DLGAP2: variants seen among roughly 807,000 people sequenced by gnomAD.
The protein encoded by DLGAP2 is DLG associated protein 2, also known as disks large-associated protein 2.
In DLGAP2, 26 loss-of-function variants were observed where a neutral mutation model predicts 100.3. The ratio of observed to expected loss-of-function variants is 0.26; its 90% CI spans 0.19 to 0.36. The LOEUF is 0.36. Among genes scored for constraint, DLGAP2 ranks in the 10% least tolerant of loss-of-function variants. DLGAP2 has a pLI of 1.00. For synonymous variants in DLGAP2, 886 were observed against 630.1 expected, an observed-to-expected ratio of 1.41 and a Z score of -6.08; for missense variants, 1,858 against 1,453.2, an observed-to-expected ratio of 1.28 and a Z score of -4.53.
intron 3 of DLGAP2, among the ~76,000 whole-genome samples, chr8:1,432,785 A>T (rs567055320): frequency 6.6e-6 from 1 of 152,224 alleles, no homozygotes; most frequent in South Asian, 2.1e-4. Flanking sequence ...GATTCCCGCG[A>T]TCGCGTGTTT....
intron 4 of DLGAP2, among the ~76,000 whole-genome samples, chr8:1,526,324 C>A (rs545679616): frequency 6.6e-6 from 1 of 151,914 alleles, no homozygotes; most frequent in East Asian, 2.0e-4. Context: ...CTTACCTGCA[C>A]GCCTACCGGC....
intron 1 of DLGAP2, among the ~76,000 whole-genome samples, chr8:760,720 G>A (rs7460845): frequency 0.094 from 14,241 of 152,126 alleles, 720 homozygotes; most frequent in African/African-American, 0.13. Flanking sequence ...TGGGTGTCAG[G>A]CATGTCCCTC....
intron 8 of DLGAP2, among the ~76,000 whole-genome samples, chr8:1,654,587 G>A (rs1798240461): frequency 1.3e-5 from 2 of 151,382 alleles, no homozygotes; most frequent in Admixed American, 1.3e-4. Context: ...CTTGAACCCG[G>A]GAGGCGGAGG....
At chr8:1,054,229 T>G (rs1802808251) in intron 2 of DLGAP2, among the ~76,000 whole-genome samples, 1 of 151,710 alleles carries the variant, frequency 6.6e-6, no homozygotes, top group African/African-American at 2.4e-5. Context: ...CGCACACACA[T>G]GTATGCACAT....
At chr8:1,038,503 G>A (rs1289697914) in intron 2 of DLGAP2, among the ~76,000 whole-genome samples, 1 of 152,158 alleles carries the variant, frequency 6.6e-6, no homozygotes, top group East Asian at 1.9e-4. Context: ...GACATCAAGT[G>A]GCAGGAAGGA....
intron 3 of DLGAP2, chr8:1,301,253 G>C (rs1184235777): frequency 1.3e-5 from 2 of 152,214 alleles, no homozygotes; most frequent in Admixed American, 1.3e-4. Context: ...CCTCCTGCAG[G>C]ACCCTGTCCT....
At chr8:1,123,846 C>G (rs1393372605) in intron 2 of DLGAP2, among the ~76,000 whole-genome samples, 1 of 152,090 alleles carries the variant, frequency 6.6e-6, no homozygotes, top group Admixed American at 6.6e-5. Flanking sequence ...ACCTTTTCCT[C>G]AGTATTCTTT....
intron 3 of DLGAP2, among the ~76,000 whole-genome samples, chr8:1,265,089 A>G (rs373522349): frequency 6.6e-6 from 1 of 152,198 alleles, no homozygotes; most frequent in African/African-American, 2.4e-5. Context: ...GTATTTCTTC[A>G]TAGCACTATG....
chr8:1,656,136 C>T lies in DLGAP2; in HGVS notation c.1811-12193C>T, dbSNP rs562494833. 1.4e-3 allele frequency among the ~76,000 whole-genome samples: 216 copies of T among 152,278 alleles called. 2 individuals carry two copies. In the South Asian group the frequency reaches 0.019, roughly 13 times the overall value. On this transcript the variant is annotated intron_variant, in intron 8 of 14. Transcript: ENST00000637795. ...GTTGGGAGTTTGAGACCAGCCTGTCCAACATGGTGAAACCCCATCTTTACT... is the reference window on the plus strand; with the variant it reads ...GTTGGGAGTTTGAGACCAGCCTGTCTAACATGGTGAAACCCCATCTTTACT...
intron 5 of DLGAP2, among the ~76,000 whole-genome samples, chr8:1,563,139 G>C (rs566666062): frequency 5.3e-5 from 4 of 76,164 alleles, no homozygotes; most frequent in Non-Finnish European, 1.0e-4. Flanking sequence ...CTGGGGGACT[G>C]TGTGGTGTTG....
In DLGAP2 at chr8:1,388,641, G is replaced by T. The variant is rs1392525487; in HGVS notation, c.107-112725G>T. 8.1e-5 allele frequency among the ~76,000 whole-genome samples: 7 copies of T among 86,004 alleles called. 1 individual carries two copies. Among genetic ancestry groups the T allele is most frequent in the African/African-American group, 3.0e-4 (7 of 23,678 alleles). The allele number at this position is 86,004 out of a possible 152,430, so 56.4% of individuals were successfully genotyped here. ...TGGGGAGGCTCTGGTTCAGGTGTCAGGGCTGTGAGAGGCAGACGCCGTGGA... is the reference window on the plus strand; with the variant it reads ...TGGGGAGGCTCTGGTTCAGGTGTCATGGCTGTGAGAGGCAGACGCCGTGGA... On this transcript the variant is annotated intron_variant, in intron 3 of 14. Transcript: ENST00000637795.
chr8:1,110,916 G>A (rs933097203), intron 2 of DLGAP2, among the ~76,000 whole-genome samples: 1 of 152,062 alleles, frequency 6.6e-6, no homozygotes, highest in Non-Finnish European at 1.5e-5. Context: ...TGGTGCTTTT[G>A]GGGGTTTGGG....
At chr8:789,954 G>A (rs948009179) in intron 1 of DLGAP2, among the ~76,000 whole-genome samples, 5 of 152,326 alleles carry the variant, frequency 3.3e-5, no homozygotes, top group African/African-American at 7.2e-5. Context: ...TCTGATCTCT[G>A]TTTTGTCCTG....
At chr8:1,346,044 A>G (rs1478938714) in intron 3 of DLGAP2, among the ~76,000 whole-genome samples, 1 of 152,208 alleles carries the variant, frequency 6.6e-6, no homozygotes, top group African/African-American at 2.4e-5. Context: ...TGCCCACGCC[A>G]TGGGCACTGT....
At chr8:1,046,218 G>T (rs995901145) in intron 2 of DLGAP2, among the ~76,000 whole-genome samples, 1 of 152,108 alleles carries the variant, frequency 6.6e-6, no homozygotes, top group Admixed American at 6.5e-5. Context: ...CTTCATTTTT[G>T]TTCTGCCTTG....
At chr8:1,455,498 C>T (rs1391309416) in intron 3 of DLGAP2, among the ~76,000 whole-genome samples, 1 of 152,220 alleles carries the variant, frequency 6.6e-6, no homozygotes, top group Non-Finnish European at 1.5e-5. Flanking sequence ...TGCCCGTGTC[C>T]TTCACGCCTG....
At chr8:1,333,379 T>C (rs1801201554) in intron 3 of DLGAP2, among the ~76,000 whole-genome samples, 1 of 152,050 alleles carries the variant, frequency 6.6e-6, no homozygotes, top group South Asian at 2.1e-4. Flanking sequence ...TTGAAGAGGT[T>C]TTGCTGCCAT....
intron 3 of DLGAP2, among the ~76,000 whole-genome samples, chr8:1,295,329 C>T (rs995248569): frequency 1.3e-5 from 2 of 152,238 alleles, no homozygotes; most frequent in African/African-American, 2.4e-5. Flanking sequence ...AAAAACCGAG[C>T]TTCCTGGTGA....
chr8:1,190,642 G>T (rs897904885), intron 2 of DLGAP2, among the ~76,000 whole-genome samples: 1 of 152,184 alleles, frequency 6.6e-6, no homozygotes, highest in African/African-American at 2.4e-5. Flanking sequence ...GGTTGTGAGT[G>T]TGTGGTTGGC....
Sources: gnomAD v4.1 joint callset for allele counts (sites outside exome capture counted in the v4.1 genomes callset) on GRCh38, gnomAD v4.1.1 for gene constraint, MANE v1.5 for transcripts, NCBI Gene and HGNC (gene_info 2026-07-23, HGNC 2026-07-21) for gene names.